Variants in RBFOX3 observed in about 807,000 individuals in gnomAD.
The protein encoded by RBFOX3 is RNA binding protein fox-1 homolog 3.
Under a neutral mutation model 48.7 loss-of-function variants are expected in RBFOX3, and 17 were observed. The observed-to-expected ratio is 0.35, with a 90% CI of 0.24 to 0.52. The LOEUF (loss-of-function observed/expected upper bound fraction) is 0.52, where lower values mean the gene tolerates loss of function less well. Ranked by LOEUF, RBFOX3 falls within the 20% of genes least tolerant of loss-of-function variation. The pLI is 0.94. For missense variants in RBFOX3, 382 were observed against 497.5 expected, an observed-to-expected ratio of 0.77 and a Z score of 2.21; for synonymous variants, 212 against 209.5, an observed-to-expected ratio of 1.01 and a Z score of -0.10.
At chr17:79,526,171 G>T (rs1414101403) in intron 1 of RBFOX3, among the ~76,000 whole-genome samples, 1 of 152,234 alleles carries the variant, frequency 6.6e-6, no homozygotes, top group Non-Finnish European at 1.5e-5. Flanking sequence ...GAGCTAGCAA[G>T]TTGTGTGGCC....
At chr17:79,506,555 C>T (rs918995758) in intron 1 of RBFOX3, among the ~76,000 whole-genome samples, 1 of 152,180 alleles carries the variant, frequency 6.6e-6, no homozygotes, top group Non-Finnish European at 1.5e-5. Context: ...AGCACTGCCC[C>T]GGGCCACAGA....
At chr17:79,154,966 C>A (rs562954498) in intron 4 of RBFOX3, among the ~76,000 whole-genome samples, 1 of 149,868 alleles carries the variant, frequency 6.7e-6, no homozygotes, top group Non-Finnish European at 1.5e-5. Flanking sequence ...CGTCAGGTGG[C>A]GCTGGCAGCC....
At chr17:79,491,377 T>C (rs1187773518) in intron 1 of RBFOX3, among the ~76,000 whole-genome samples, 1 of 151,964 alleles carries the variant, frequency 6.6e-6, no homozygotes, top group Non-Finnish European at 1.5e-5. Flanking sequence ...TGAGGAATTT[T>C]AAGTAGGACA....
intron 4 of RBFOX3, among the ~76,000 whole-genome samples, chr17:79,156,777 G>A (rs1480394702): frequency 1.3e-5 from 2 of 152,122 alleles, no homozygotes; most frequent in African/African-American, 2.4e-5. Context: ...CTGGCTGGCC[G>A]GCCCCTGAGC....
chr17:79,588,919 C>G (rs2093337194), intron 1 of RBFOX3, among the ~76,000 whole-genome samples: 1 of 151,988 alleles, frequency 6.6e-6, no homozygotes, highest in Non-Finnish European at 1.5e-5. Context: ...AGACCCCGTC[C>G]TGCACTTGGA....
chr17:79,439,613 T>C (rs1027375050), intron 2 of RBFOX3, among the ~76,000 whole-genome samples: 84 of 152,356 alleles, frequency 5.5e-4, no homozygotes, highest in African/African-American at 1.9e-3. Context: ...GTGTATGTCA[T>C]GCACACACTC....
chr17:79,647,673 A>G, the RBFOX3 span, among the ~76,000 whole-genome samples: 1 of 152,142 alleles, frequency 6.6e-6, no homozygotes, highest in Non-Finnish European at 1.5e-5. Flanking sequence ...CCCAGCCCAC[A>G]GGCCCTGCTG....
intron 4 of RBFOX3, among the ~76,000 whole-genome samples, chr17:79,146,940 A>G (rs1309664149): frequency 6.6e-6 from 1 of 152,206 alleles, no homozygotes. Context: ...GGCTTTAGCA[A>G]AACATGATCA....
At chr17:79,379,450 G>A (rs1187379850) in intron 2 of RBFOX3, among the ~76,000 whole-genome samples, 1 of 152,134 alleles carries the variant, frequency 6.6e-6, no homozygotes, top group African/African-American at 2.4e-5. Flanking sequence ...TCACCTAAGG[G>A]AGACACACAC....
chr17:79,294,196 C>G (rs1430278334), intron 3 of RBFOX3, among the ~76,000 whole-genome samples: 1 of 152,250 alleles, frequency 6.6e-6, no homozygotes, highest in African/African-American at 2.4e-5. Context: ...TTTATCTGCA[C>G]TTAAGATCCC....
At chr17:79,633,749 G>A in the RBFOX3 span, among the ~76,000 whole-genome samples, 1,154 of 152,238 alleles carry the variant, frequency 7.6e-3, 8 homozygotes, top group Non-Finnish European at 8.6e-3. Context: ...GGCTGCTCTC[G>A]GCACATCAGC....
At chr17:79,221,050 G>T (rs1487422278) in intron 4 of RBFOX3, among the ~76,000 whole-genome samples, 1 of 152,214 alleles carries the variant, frequency 6.6e-6, no homozygotes, top group African/African-American at 2.4e-5. Flanking sequence ...CCCTGCTGGG[G>T]GCTAGGACCT....
intron 1 of RBFOX3, among the ~76,000 whole-genome samples, chr17:79,495,612 G>T: frequency 1.5e-5 from 1 of 66,902 alleles, no homozygotes; most frequent in Non-Finnish European, 3.1e-5. Flanking sequence ...AGAGGGTGGG[G>T]AGGTGGGGGA....
At chr17:79,487,278 G>A (rs1218765540) in intron 1 of RBFOX3, among the ~76,000 whole-genome samples, 1 of 152,232 alleles carries the variant, frequency 6.6e-6, no homozygotes, top group Non-Finnish European at 1.5e-5. Flanking sequence ...CAGGCCCTGG[G>A]CAAGGGCAGA....
At chr17:79,620,544 C>T in the RBFOX3 span, among the ~76,000 whole-genome samples, 179 of 150,432 alleles carry the variant, frequency 1.2e-3, no homozygotes, top group Non-Finnish European at 6.0e-4. Context: ...CATGCACACA[C>T]GCATGCACAC....
chr17:79,370,156 G>A (rs894063747), intron 2 of RBFOX3, among the ~76,000 whole-genome samples: 1 of 152,224 alleles, frequency 6.6e-6, no homozygotes, highest in African/African-American at 2.4e-5. Context: ...CTCACCAGGA[G>A]CCAACGCTCA....
At chr17:79,357,816 T>C (rs935382113) in intron 2 of RBFOX3, among the ~76,000 whole-genome samples, 1 of 152,022 alleles carries the variant, frequency 6.6e-6, no homozygotes, top group African/African-American at 2.4e-5. Context: ...TTTTTTTATT[T>C]ACTGCTTTCC....
chr17:79,249,166 C>A lies in RBFOX3; in HGVS notation c.-73-13361G>T, dbSNP rs879292584. 2.0e-5 allele frequency among the ~76,000 whole-genome samples: 3 copies of A among 152,326 alleles called. No individual in the cohort carries two copies. Among genetic ancestry groups the A allele is most frequent in the Non-Finnish European group, 4.4e-5 (3 of 68,026 alleles). ...CTGCAAAACCATCTCTGGAACCACC[C>A]TGAAGCTAGGGACTCGGCTCAGGAA... On this transcript the variant is annotated intron_variant, in intron 3 of 14. Coordinates refer to ENST00000693108, the MANE Select transcript of RBFOX3 (RefSeq NM_001350451.2). The surrounding 1 kb of genome is among the most constrained non-coding windows in gnomAD (Gnocchi z 4.1).
the RBFOX3 span, among the ~76,000 whole-genome samples, chr17:79,620,044 C>T: frequency 6.6e-6 from 1 of 151,672 alleles, no homozygotes; most frequent in African/African-American, 2.4e-5. Context: ...CATATGCACA[C>T]ACGCACATGC....
Sources: gnomAD v4.1 joint callset for allele counts (sites outside exome capture counted in the v4.1 genomes callset) on GRCh38, gnomAD v4.1.1 for gene constraint, Gnocchi (gnomAD v3.1) non-coding constraint, MANE v1.5 for transcripts, NCBI Gene and HGNC (gene_info 2026-07-23, HGNC 2026-07-21) for gene names.